PCSK2: variants seen among roughly 807,000 people sequenced by gnomAD.
PCSK2 encodes the protein neuroendocrine convertase 2.
Under a neutral mutation model 69.7 loss-of-function variants are expected in PCSK2, and 14 were observed. The ratio of observed to expected loss-of-function variants is 0.20; its 90% CI spans 0.13 to 0.31. The LOEUF (loss-of-function observed/expected upper bound fraction) is 0.31. Among genes scored for constraint, PCSK2 ranks in the 10% least tolerant of loss-of-function variants. The pLI is 1.00. For synonymous variants in PCSK2, 307 were observed against 320.7 expected, an observed-to-expected ratio of 0.96 and a Z score of 0.46; for missense variants, 544 against 842.5, an observed-to-expected ratio of 0.65 and a Z score of 4.39.
chr20:17,466,502 A>G (rs796906543), intron 11 of PCSK2, among the ~76,000 whole-genome samples: 3 of 152,252 alleles, frequency 2.0e-5, no homozygotes, highest in South Asian at 2.1e-4. Context: ...GGATTTGTGT[A>G]TGGGGTTCCC....
intron 5 of PCSK2, among the ~76,000 whole-genome samples, chr20:17,387,343 C>A (rs1370474222): frequency 6.6e-6 from 1 of 152,116 alleles, no homozygotes; most frequent in East Asian, 1.9e-4. Context: ...TTGTTTCACA[C>A]CGTTTTTATG....
At chr20:17,267,400 C>G (rs1170330811) in intron 2 of PCSK2, among the ~76,000 whole-genome samples, 2 of 152,170 alleles carry the variant, frequency 1.3e-5, no homozygotes, top group African/African-American at 4.8e-5. Context: ...GCATAAGAAG[C>G]AGGGCAGAGG....
At chr20:17,339,010 C>T (rs985332514) in intron 2 of PCSK2, among the ~76,000 whole-genome samples, 5 of 152,092 alleles carry the variant, frequency 3.3e-5, no homozygotes, top group Non-Finnish European at 7.4e-5. Context: ...CAAGGAATCC[C>T]GTCTAGTTTT....
At chr20:17,252,472 A>G (rs1987018746) in intron 1 of PCSK2, among the ~76,000 whole-genome samples, 1 of 152,210 alleles carries the variant, frequency 6.6e-6, no homozygotes, top group Admixed American at 6.5e-5. Flanking sequence ...CTTGAGTGCA[A>G]GATATTATTC....
At chr20:17,389,667 G>A (rs1010106619) in intron 5 of PCSK2, among the ~76,000 whole-genome samples, 1 of 152,162 alleles carries the variant, frequency 6.6e-6, no homozygotes, top group Non-Finnish European at 1.5e-5. Flanking sequence ...CTGGGGAGCT[G>A]TGAGGACTAG....
chr20:17,441,967 G>T (rs2032606908), intron 8 of PCSK2, among the ~76,000 whole-genome samples: 1 of 150,382 alleles, frequency 6.6e-6, no homozygotes, highest in Non-Finnish European at 1.5e-5. Flanking sequence ...TGTCATATTG[G>T]AGTAGGATGG....
At chr20:17,441,062 T>C (rs2032586201) in intron 8 of PCSK2, among the ~76,000 whole-genome samples, 1 of 152,040 alleles carries the variant, frequency 6.6e-6, no homozygotes, top group South Asian at 2.1e-4. Context: ...TTCTCCCCGG[T>C]TTCGTGGCTC....
At chr20:17,347,210 T>C (rs1469069918) in intron 2 of PCSK2, among the ~76,000 whole-genome samples, 3 of 152,206 alleles carry the variant, frequency 2.0e-5, no homozygotes, top group African/African-American at 4.8e-5. Flanking sequence ...TTGCCTGTAA[T>C]TGGGCTTTCC....
intron 6 of PCSK2, 124 bp downstream of exon 6, chr20:17,409,463 T>C (rs2031824212): frequency 1.5e-6 from 1 of 676,900 alleles, no homozygotes; most frequent in Admixed American, 2.7e-5. Flanking sequence ...TATATTGTGA[T>C]TTTTCTTCTT....
At chr20:17,394,543 G>A (rs1024386068) in intron 5 of PCSK2, among the ~76,000 whole-genome samples, 1 of 152,144 alleles carries the variant, frequency 6.6e-6, no homozygotes, top group South Asian at 2.1e-4. Flanking sequence ...AGGGAGGCAC[G>A]GGGGTTGGAT....
Position 17,424,127 on chromosome 20 carries a change from C to A in PCSK2, c.621-5308C>A, listed in dbSNP as rs150808729. The stretch of plus-strand genomic sequence containing the variant: ...TTTTCAAATTATTTGTAATAGCAAG[C>A]AAATTGCAAACAAATTAAATACCTA... On this transcript the variant is annotated intron_variant, in intron 6 of 11. Coordinates refer to ENST00000262545, the MANE Select transcript of PCSK2 (RefSeq NM_002594.5). Among the ~76,000 whole-genome samples, 185 of 152,130 alleles carry A rather than the reference C, an allele frequency of 1.2e-3. 2 individuals carry two copies. Among genetic ancestry groups the A allele is most frequent in the Middle Eastern group, 3.4e-3 (1 of 292 alleles).
rs192336557 is a variant in PCSK2 at position 17,468,793 on chromosome 20, G to C, written c.1430+3240G>C. ...CACAGACCAGCATCCTGCTATAGAC[G>C]GGCAGCCCACCATAGGTCAGCATCC... On this transcript the variant is annotated intron_variant, in intron 11 of 11. Coordinates refer to ENST00000262545, the MANE Select transcript of PCSK2 (RefSeq NM_002594.5). Among the ~76,000 whole-genome samples, 3 of 148,924 alleles carry C rather than the reference G, an allele frequency of 2.0e-5. No homozygotes were observed. In the East Asian group the frequency reaches 6.1e-4, roughly 30 times the overall value.
intron 2 of PCSK2, among the ~76,000 whole-genome samples, chr20:17,275,570 C>A (rs981738109): frequency 1.3e-5 from 2 of 152,092 alleles, no homozygotes; most frequent in South Asian, 4.1e-4. Flanking sequence ...TTTGTGCTGA[C>A]AAATCTAAAA....
At chr20:17,398,917 T>C (rs1225804221) in intron 5 of PCSK2, among the ~76,000 whole-genome samples, 2 of 152,214 alleles carry the variant, frequency 1.3e-5, no homozygotes, top group Non-Finnish European at 2.9e-5. Flanking sequence ...GAAGGTGCTA[T>C]TAAAAATTCC....
intron 2 of PCSK2, among the ~76,000 whole-genome samples, chr20:17,324,738 G>C (rs1352824358): frequency 2.0e-5 from 3 of 152,176 alleles, no homozygotes; most frequent in Non-Finnish European, 4.4e-5. Context: ...GCCTGAGAAG[G>C]AGCTGTGGGC....
intron 8 of PCSK2, among the ~76,000 whole-genome samples, chr20:17,438,191 A>G (rs184925055): frequency 3.8e-4 from 58 of 152,346 alleles, no homozygotes; most frequent in Non-Finnish European, 7.8e-4. Context: ...GTAAATTTCA[A>G]ATAGATGAAA....
chr20:17,348,615 G>T (rs961295320), intron 2 of PCSK2, among the ~76,000 whole-genome samples: 1 of 152,176 alleles, frequency 6.6e-6, no homozygotes, highest in African/African-American at 2.4e-5. Context: ...TTAAAGAACA[G>T]AAATGTATGG....
At chr20:17,243,342 AG>A (rs903917512) in intron 1 of PCSK2, among the ~76,000 whole-genome samples, 1 of 152,100 alleles carries the variant, frequency 6.6e-6, no homozygotes, top group Non-Finnish European at 1.5e-5. Flanking sequence ...CTAAGACTAC[AG>A]GCACACACCA....
chr20:17,353,186 G>C (rs547356968), intron 2 of PCSK2, among the ~76,000 whole-genome samples: 37 of 152,242 alleles, frequency 2.4e-4, no homozygotes, highest in Admixed American at 7.8e-4. Flanking sequence ...AAATAGGCTG[G>C]ATGCGGTGGC....
Sources: allele counts gnomAD v4.1 joint callset (sites outside exome capture counted in the v4.1 genomes callset), GRCh38; gene constraint gnomAD v4.1.1; transcripts MANE v1.5; gene names NCBI Gene and HGNC (gene_info 2026-07-23, HGNC 2026-07-21).